EIF4G3: variants seen among roughly 807,000 people sequenced by gnomAD.
The protein encoded by EIF4G3 is eIF-4-gamma 3.
EIF4G3 carries 34 observed loss-of-function variants against 186.4 expected under a neutral mutation model. The ratio of observed to expected loss-of-function variants is 0.18; its 90% confidence interval spans 0.14 to 0.24. The LOEUF (loss-of-function observed/expected upper bound fraction) is 0.24. Among genes scored for constraint, EIF4G3 ranks in the 10% least tolerant of loss-of-function variants. The pLI is 1.00. For missense variants in EIF4G3, 1,536 were observed against 1,948.5 expected (o/e 0.79, Z 3.99); for synonymous variants, 673 against 679.5 (o/e 0.99, Z 0.15).
At position 21,085,643 on chromosome 1, in the gene EIF4G3, C is replaced by T. The variant is rs766224940; in HGVS notation, c.-196+3495G>A. ...AACTACTGGGTTCAAGCAATCTTCC[C>T]GCCTTGGCCTCCCCAAGTGCTGAGA... On this transcript the variant is annotated intron_variant, in intron 3 of 36. Coordinates refer to ENST00000602326, the MANE Select transcript of EIF4G3 (RefSeq NM_001391906.1). Among the ~76,000 whole-genome samples, 25 of 152,092 alleles carry T rather than the reference C, an allele frequency of 1.6e-4. 1 individual carries two copies. The highest frequency in any genetic ancestry group is 5.6e-4 in the African/African-American group (23 of 41,408).
intron 4 of EIF4G3, among the ~76,000 whole-genome samples, chr1:21,027,677 T>G (rs1180443869): frequency 6.6e-6 from 1 of 152,098 alleles, no homozygotes; most frequent in Non-Finnish European, 1.5e-5. Flanking sequence ...GTGGAACTCT[T>G]GCACACTGTT....
intron 2 of EIF4G3, among the ~76,000 whole-genome samples, chr1:21,095,229 AAAGAAT>A (rs2096334025): frequency 6.6e-6 from 1 of 152,180 alleles, no homozygotes; most frequent in African/African-American, 2.4e-5. Flanking sequence ...AATGCAAGAA[AAAGAAT>A]AAGTTTTCCA....
At chr1:20,912,144 T>A (rs1416723631) in intron 14 of EIF4G3, among the ~76,000 whole-genome samples, 22 of 151,980 alleles carry the variant, frequency 1.4e-4, no homozygotes, top group Non-Finnish European at 2.8e-4. Flanking sequence ...AGGTATAGTG[T>A]CATGCACCTG....
At chr1:20,909,442 C>T (rs1373036109) in intron 14 of EIF4G3, among the ~76,000 whole-genome samples, 1 of 152,124 alleles carries the variant, frequency 6.6e-6, no homozygotes, top group Non-Finnish European at 1.5e-5. Flanking sequence ...GGCATAATCT[C>T]CCTTTATCTA....
chr1:20,950,481 C>T (rs1462654916), intron 12 of EIF4G3, among the ~76,000 whole-genome samples: 1 of 151,972 alleles, frequency 6.6e-6, no homozygotes, highest in Non-Finnish European at 1.5e-5. Context: ...TCCCAAAGAC[C>T]AAGAAGGATT....
At position 20,849,410 on chromosome 1, in the gene EIF4G3, T is replaced by C. The variant is rs1189711450; in HGVS notation, c.3888+5A>G. The C allele has an allele frequency of 1.4e-6, 2 of 1,460,024 alleles. No homozygotes were observed. Among genetic ancestry groups the C allele is most frequent in the East Asian group, 4.8e-5 (2 of 41,846 alleles). 90.4% of individuals were successfully genotyped at this position (1,460,024 alleles called of 1,614,324 possible). A position where few individuals can be genotyped will look rare whatever the true frequency, so the allele number is the denominator to read the frequency against. On this transcript the variant is annotated splice_donor_5th_base_variant and intron_variant, in intron 29 of 36. Coordinates refer to ENST00000602326, the MANE Select transcript of EIF4G3 (RefSeq NM_001391906.1). ...TGTGTGTGTTTTTTTTTTAATCTCA[T>C]TTACCTTAAAATCATTAATGTGTAG...
At chr1:21,059,599 T>C (rs754466242) in intron 3 of EIF4G3, among the ~76,000 whole-genome samples, 1 of 152,078 alleles carries the variant, frequency 6.6e-6, no homozygotes, top group Non-Finnish European at 1.5e-5. Context: ...TACTCTTACC[T>C]ATACTTAATA....
At chr1:20,916,328 T>C (rs2093862372) in intron 14 of EIF4G3, among the ~76,000 whole-genome samples, 1 of 151,800 alleles carries the variant, frequency 6.6e-6, no homozygotes, top group African/African-American at 2.4e-5. Context: ...ACACCTGTAG[T>C]CCCAGCTACT....
At chr1:20,981,540 C>T (rs1238619984) in intron 8 of EIF4G3, among the ~76,000 whole-genome samples, 1 of 130,940 alleles carries the variant, frequency 7.6e-6, no homozygotes, top group Admixed American at 7.4e-5. Flanking sequence ...TGTATACGCA[C>T]ATACTGTATG....
In EIF4G3 at chr1:20,810,939, C is replaced by T; in HGVS notation, c.4598-55G>A. On this transcript the variant is annotated intron_variant, in intron 35 of 36. Transcript: ENST00000602326. The surrounding 1 kb of genome is among the most constrained non-coding windows in gnomAD (Gnocchi z 4.1). The stretch of plus-strand genomic sequence containing the variant: ...ATTTAAGGAGTTAACATAGAATTAT[C>T]TTTAATTTTCTTTCTTTTTTCTTTT... 2.0e-6 allele frequency: 3 copies of T among 1,527,016 alleles called. No individual in the cohort carries two copies. The highest frequency in any genetic ancestry group is 2.7e-6 in the Non-Finnish European group (3 of 1,123,590). 94.6% of individuals were successfully genotyped at this position (1,527,016 alleles called of 1,614,324 possible). A position where few individuals can be genotyped will look rare whatever the true frequency, so the allele number is the denominator to read the frequency against.
intron 2 of EIF4G3, among the ~76,000 whole-genome samples, chr1:21,132,257 T>C (rs1462646280): frequency 6.6e-6 from 1 of 152,266 alleles, no homozygotes; most frequent in African/African-American, 2.4e-5. Flanking sequence ...CTAAACACCA[T>C]TCTAAAAAAA....
intron 2 of EIF4G3, among the ~76,000 whole-genome samples, chr1:21,115,675 T>C (rs1001736645): frequency 6.6e-6 from 1 of 152,188 alleles, no homozygotes; most frequent in Non-Finnish European, 1.5e-5. Flanking sequence ...GCTCTCTGTA[T>C]ACAGTTAAAT....
At chr1:21,141,393 G>GTA (rs2097334986) in intron 2 of EIF4G3, among the ~76,000 whole-genome samples, 1 of 148,136 alleles carries the variant, frequency 6.8e-6, no homozygotes, top group Non-Finnish European at 1.5e-5. Context: ...GTGTGTGTGT[G>GTA]TGTGTATGTG....
At chr1:20,953,249 C>T (rs1326209734) in intron 12 of EIF4G3, among the ~76,000 whole-genome samples, 1 of 152,072 alleles carries the variant, frequency 6.6e-6, no homozygotes, top group African/African-American at 2.4e-5. Flanking sequence ...TGCAACAGCT[C>T]ATCAATTATG....
chr1:20,910,706 C>T (rs1004106362), intron 14 of EIF4G3, among the ~76,000 whole-genome samples: 4 of 152,134 alleles, frequency 2.6e-5, no homozygotes, highest in African/African-American at 9.7e-5. Context: ...AATCACAGCA[C>T]AGATTTTTAT....
intron 3 of EIF4G3, among the ~76,000 whole-genome samples, chr1:21,057,134 CCT>C (rs1229254327): frequency 1.3e-5 from 2 of 152,214 alleles, no homozygotes; most frequent in Admixed American, 1.3e-4. Context: ...ACAGTCATGC[CCT>C]ATGACCCAGC....
intron 13 of EIF4G3, among the ~76,000 whole-genome samples, chr1:20,943,371 G>A (rs1397121719): frequency 6.6e-6 from 1 of 152,134 alleles, no homozygotes; most frequent in Non-Finnish European, 1.5e-5. Flanking sequence ...GACGGAGAGA[G>A]AAGAGAAGCT....
chr1:21,130,316 C>T (rs1022746404), intron 2 of EIF4G3, among the ~76,000 whole-genome samples: 3 of 151,156 alleles, frequency 2.0e-5, no homozygotes, highest in Non-Finnish European at 2.9e-5. Flanking sequence ...CCTCTGCCCC[C>T]GGGGTTCAAG....
intron 2 of EIF4G3, among the ~76,000 whole-genome samples, chr1:21,145,491 C>T (rs926595865): frequency 2.6e-5 from 4 of 151,564 alleles, no homozygotes; most frequent in Non-Finnish European, 5.9e-5. Flanking sequence ...GTCTCAAACA[C>T]GTAGCCTCAA....
Sources: allele counts gnomAD v4.1 joint callset (sites outside exome capture counted in the v4.1 genomes callset), GRCh38; gene constraint gnomAD v4.1.1; non-coding constraint Gnocchi (gnomAD v3.1); transcripts MANE v1.5; gene names NCBI Gene and HGNC (gene_info 2026-07-23, HGNC 2026-07-21).